The following AGTPBP1 variants were observed in gnomAD, a reference collection of about 807,000 sequenced individuals.
AGTPBP1 encodes ATP/GTP binding carboxypeptidase 1.
AGTPBP1 carries 70 observed loss-of-function variants against 143.9 expected under a neutral mutation model. The observed-to-expected ratio is 0.49, with a 90% CI of 0.40 to 0.59. AGTPBP1 has a LOEUF of 0.59. Among genes scored for constraint, AGTPBP1 ranks in the 20% least tolerant of loss-of-function variants. The pLI is 0.00. For missense variants in AGTPBP1, 1,229 were observed against 1,464.5 expected (o/e 0.84, Z 2.62); for synonymous variants, 463 against 500.2 (o/e 0.93, Z 0.99).
At chr9:85,549,723 G>A (rs1825928271) in intron 25 of AGTPBP1, among the ~76,000 whole-genome samples, 1 of 152,184 alleles carries the variant, frequency 6.6e-6, no homozygotes, top group Admixed American at 6.5e-5. Flanking sequence ...GGTATCAGGT[G>A]TTGATGTGCA....
chr9:85,556,860 G>A (rs1826380324), intron 25 of AGTPBP1, among the ~76,000 whole-genome samples: 1 of 152,072 alleles, frequency 6.6e-6, no homozygotes, highest in African/African-American at 2.4e-5. Flanking sequence ...CAGTGATAGG[G>A]GAAACCTGAA....
the AGTPBP1 span, among the ~76,000 whole-genome samples, chr9:85,799,292 C>A: frequency 3.9e-5 from 6 of 152,044 alleles, no homozygotes; most frequent in African/African-American, 1.4e-4. Context: ...AATAAACATA[C>A]GTGTGTGTAT....
chr9:85,624,268 G>A (rs1164260710), intron 14 of AGTPBP1, among the ~76,000 whole-genome samples: 3 of 152,104 alleles, frequency 2.0e-5, no homozygotes, highest in African/African-American at 4.8e-5. Flanking sequence ...TATGTGATCA[G>A]TACATATATA....
chr9:85,744,623 G>T (rs144973574), upstream of AGTPBP1, among the ~76,000 whole-genome samples: 736 of 152,316 alleles, frequency 4.8e-3, 5 homozygotes, highest in African/African-American at 0.016. Flanking sequence ...ACAGTTGAAT[G>T]CAGGGGCTTT....
At chr9:85,592,340 C>T (rs1659930172) in intron 19 of AGTPBP1, among the ~76,000 whole-genome samples, 3 of 151,970 alleles carry the variant, frequency 2.0e-5, no homozygotes, top group Admixed American at 1.3e-4. Flanking sequence ...CCAAAATCTT[C>T]AACACTAAAC....
At chr9:85,627,020 T>C (rs1297066076) in intron 14 of AGTPBP1, among the ~76,000 whole-genome samples, 2 of 152,140 alleles carry the variant, frequency 1.3e-5, no homozygotes, top group Non-Finnish European at 2.9e-5. Flanking sequence ...CTACCAAACT[T>C]TTTTAATATG....
chr9:85,662,473 G>A (rs973846957), intron 8 of AGTPBP1, among the ~76,000 whole-genome samples: 4 of 152,060 alleles, frequency 2.6e-5, no homozygotes, highest in African/African-American at 9.7e-5. Flanking sequence ...GCAATAAAAT[G>A]TACAGGAGAA....
chr9:85,764,215 A>G, the AGTPBP1 span, among the ~76,000 whole-genome samples: 1 of 151,960 alleles, frequency 6.6e-6, no homozygotes, highest in African/African-American at 2.4e-5. Flanking sequence ...TTAAAAAGGC[A>G]TTCAACTTAA....
the AGTPBP1 span, among the ~76,000 whole-genome samples, chr9:85,768,635 G>C: frequency 2.0e-5 from 3 of 152,122 alleles, no homozygotes; most frequent in Non-Finnish European, 2.9e-5. Flanking sequence ...TTCTTGTAAA[G>C]GTGAATATTA....
At chr9:85,649,158 T>C (rs2133880192) in intron 11 of AGTPBP1, among the ~76,000 whole-genome samples, 2 of 152,324 alleles carry the variant, frequency 1.3e-5, no homozygotes, top group African/African-American at 2.4e-5. Flanking sequence ...CCTTGGCTTA[T>C]AGTAAAAACA....
the AGTPBP1 span, among the ~76,000 whole-genome samples, chr9:85,777,583 G>C: frequency 6.6e-6 from 1 of 152,194 alleles, no homozygotes; most frequent in East Asian, 1.9e-4. Flanking sequence ...CCACAGAATG[G>C]GTTATCATAT....
chr9:85,750,131 C>T, the AGTPBP1 span, among the ~76,000 whole-genome samples: 1 of 152,154 alleles, frequency 6.6e-6, no homozygotes, highest in Non-Finnish European at 1.5e-5. Flanking sequence ...ATCTACCCGC[C>T]TTGGCCTCCC....
upstream of AGTPBP1, among the ~76,000 whole-genome samples, chr9:85,745,042 C>T (rs1371768545): frequency 6.6e-6 from 1 of 152,198 alleles, no homozygotes; most frequent in Admixed American, 6.5e-5. Flanking sequence ...AACTTGGATT[C>T]CTCTATTCAG....
intron 24 of AGTPBP1, among the ~76,000 whole-genome samples, chr9:85,575,903 T>G (rs990759062): frequency 1.3e-5 from 2 of 152,210 alleles, no homozygotes; most frequent in African/African-American, 2.4e-5. Flanking sequence ...CATTTGAACA[T>G]TACTTTATAG....
At chr9:85,560,664 G>A (rs1826650687) in intron 25 of AGTPBP1, among the ~76,000 whole-genome samples, 1 of 151,928 alleles carries the variant, frequency 6.6e-6, no homozygotes, top group South Asian at 2.1e-4. Flanking sequence ...ATTACATTAA[G>A]TATTAAAAAG....
chr9:85,612,139 G>C (rs1043393749), intron 17 of AGTPBP1, among the ~76,000 whole-genome samples: 4 of 152,104 alleles, frequency 2.6e-5, no homozygotes, highest in African/African-American at 9.7e-5. Context: ...CCCTGACAAA[G>C]AGCTTCTAAA....
chr9:85,737,341 ATGAT>A (rs1823869534), intron 1 of AGTPBP1, among the ~76,000 whole-genome samples: 1 of 152,214 alleles, frequency 6.6e-6, no homozygotes, highest in Non-Finnish European at 1.5e-5. Context: ...GACTGAAAGA[ATGAT>A]TGACAGACTA....
intron 11 of AGTPBP1, among the ~76,000 whole-genome samples, chr9:85,650,793 C>A (rs1387480127): frequency 6.6e-6 from 1 of 152,158 alleles, no homozygotes; most frequent in Non-Finnish European, 1.5e-5. Flanking sequence ...CTACCAATGT[C>A]TTTCTGTTAT....
intron 2 of AGTPBP1, among the ~76,000 whole-genome samples, chr9:85,705,592 CAATT>C (rs1252280894): frequency 6.6e-6 from 1 of 152,058 alleles, no homozygotes; most frequent in Non-Finnish European, 1.5e-5. Context: ...CTCTAAAAGA[CAATT>C]AACTAAACTA....
Sources: allele counts gnomAD v4.1 joint callset (sites outside exome capture counted in the v4.1 genomes callset), GRCh38; gene constraint gnomAD v4.1.1; transcripts MANE v1.5; gene names NCBI Gene and HGNC (gene_info 2026-07-23, HGNC 2026-07-21).